Variants in FOXD4L3 observed in about 807,000 individuals in gnomAD.
FOXD4L3 encodes forkhead box D4 like 3.
For missense variants in FOXD4L3, 44 were observed against 545.5 expected (o/e 0.08, Z 9.16); for synonymous variants, 26 against 242.4 (o/e 0.11, Z 8.29).
rs1196600856 is a variant in FOXD4L3, at chr9:68,304,913, T to C, written c.*708T>C. 5.9e-6 allele frequency: 1 copy of C among 168,260 alleles called. No individual in the cohort carries two copies. Among genetic ancestry groups the C allele is most frequent in the African/African-American group, 2.4e-5 (1 of 41,418 alleles). 10.4% of individuals were successfully genotyped at this position (168,260 alleles called of 1,614,324 possible). A position where few individuals can be genotyped will look rare whatever the true frequency, so the allele number is the denominator to read the frequency against. On this transcript the variant is annotated 3_prime_UTR_variant, in exon 1 of 1. Coordinates refer to ENST00000342833, the MANE Select transcript of FOXD4L3 (RefSeq NM_199135.4). ...TGCTAAGTCACTACACTACATCGTT[T>C]ATTTTCTATTACATCTCATTCTTCC...
At chr9:68,303,691 CG>C in the FOXD4L3 span, 3 of 1,595,442 alleles carry the variant, frequency 1.9e-6, no homozygotes, top group Non-Finnish European at 2.5e-6. Context: ...CAGCCAGTCC[CG>C]GGGGCCTACC....
chr9:68,304,002 G>A lies in FOXD4L3; in HGVS notation c.1051G>A (p.Ala351Thr). 1 of 1,611,958 alleles carries A rather than the reference G, an allele frequency of 6.2e-7. No homozygotes were observed. Among genetic ancestry groups the A allele is most frequent in the African/African-American group, 1.3e-5 (1 of 74,940 alleles). ...LRRICPRPRG[A>T]TATCSSDHQA... ...CAGAATTTGTCCCCGACCGCGTGGA[G>A]CTACTGCCACCTGCTCCAGCGACCA... is the stretch of plus-strand genomic sequence containing the variant. The change falls in exon 1 of 1, where the codon GCT (alanine) becomes ACT (threonine). Residue 351 changes from alanine to threonine, a missense_variant. Ala to Thr is a moderately conservative substitution (Grantham distance 58). Coordinates refer to ENST00000342833, the MANE Select transcript of FOXD4L3 (RefSeq NM_199135.4).
In FOXD4L3 at chr9:68,304,378, A is replaced by T; in HGVS notation, c.*173A>T. ...GGAGCGACCCGCAGCTGCTCACTCC[A>T]CCTTGCGCGGCCCATACTGGGCGTG... On this transcript the variant is annotated 3_prime_UTR_variant, in exon 1 of 1. Coordinates refer to ENST00000342833, the MANE Select transcript of FOXD4L3 (RefSeq NM_199135.4). 3 of 1,523,576 alleles carry T rather than the reference A, an allele frequency of 2.0e-6. No individual in the cohort carries two copies. The highest frequency in any genetic ancestry group is 1.4e-5 in the African/African-American group (1 of 72,204). 94.4% of individuals were successfully genotyped at this position (1,523,576 alleles called of 1,614,324 possible).
Position 68,304,526 on chromosome 9 carries a change from T to A in FOXD4L3, c.*321T>A, listed in dbSNP as rs1833724025. On this transcript the variant is annotated 3_prime_UTR_variant, in exon 1 of 1. Coordinates refer to ENST00000342833, the MANE Select transcript of FOXD4L3 (RefSeq NM_199135.4). ...AACGTAACCTTCGCAGGGCGTCAAG[T>A]CATCTTTTCTTGCCTTCGGTTGTGG... 2.0e-6 allele frequency: 1 copy of A among 512,090 alleles called. No homozygotes were observed. The highest frequency in any genetic ancestry group is 3.8e-5 in the Admixed American group (1 of 26,658). 31.7% of individuals were successfully genotyped at this position (512,090 alleles called of 1,614,324 possible).
the FOXD4L3 span, chr9:68,303,691 C>CG: frequency 6.3e-7 from 1 of 1,595,482 alleles, no homozygotes; most frequent in Non-Finnish European, 8.5e-7. Context: ...CAGCCAGTCC[C>CG]GGGGGCCTAC....
chr9:68,304,348 A>G lies in FOXD4L3; in HGVS notation c.*143A>G. On this transcript the variant is annotated 3_prime_UTR_variant, in exon 1 of 1. Coordinates refer to ENST00000342833, the MANE Select transcript of FOXD4L3 (RefSeq NM_199135.4). Reference sequence around the variant, plus strand: ...CAGGGCCCTCCTAGAGCCAGGTGGGAGTGGGGAGCGACCCGCAGCTGCTCA... The same window carrying G: ...CAGGGCCCTCCTAGAGCCAGGTGGGGGTGGGGAGCGACCCGCAGCTGCTCA... 4 of 1,519,918 alleles carry G rather than the reference A, an allele frequency of 2.6e-6. No homozygotes were observed. The highest frequency in any genetic ancestry group is 3.5e-6 in the Non-Finnish European group (4 of 1,135,240). The allele number at this position is 1,519,918 out of a possible 1,614,324, so 94.2% of individuals were successfully genotyped here.
chr9:68,303,623 A>G lies in FOXD4L3; in HGVS notation c.672A>G (p.Ala224=). ...CCCACCCCTTCCCTCTACCTGCTGC[A>G]CACGCCGCCCTGCACAACCCCCGCC... The part of the protein sequence containing the change: ...HLPHPFPLPA[A]HAALHNPRPG... The change falls in exon 1 of 1, where the codon GCA becomes GCG. Residue 224 remains alanine, a synonymous_variant. Transcript: ENST00000342833. 1.3e-6 allele frequency: 2 copies of G among 1,597,356 alleles called. No individual in the cohort carries two copies. The highest frequency in any genetic ancestry group is 1.7e-6 in the Non-Finnish European group (2 of 1,178,948).
chr9:68,303,883 C>CA, the FOXD4L3 span: 1 of 1,607,372 alleles, frequency 6.2e-7, no homozygotes, highest in Non-Finnish European at 8.5e-7. Flanking sequence ...GGGAGGAGGG[C>CA]AAGGGTCTGG....
Position 68,303,819 on chromosome 9 carries a change from C to G in FOXD4L3, c.868C>G (p.Leu290Val). ...GAPKKAEGAA[L>V]ATPAPFPCCS... Reference sequence around the variant, plus strand: ...ACCGAAGAAAGCAGAAGGCGCGGCCCTGGCGACCCCGGCACCCTTCCCGTG... The same window carrying G: ...ACCGAAGAAAGCAGAAGGCGCGGCCGTGGCGACCCCGGCACCCTTCCCGTG... The change falls in exon 1 of 1, where the codon CTG becomes GTG. Residue 290 changes from leucine (L) to valine (V), a missense_variant. By Grantham distance (32) the Leu-to-Val change is conservative. Coordinates refer to ENST00000342833, the MANE Select transcript of FOXD4L3 (RefSeq NM_199135.4). 1 of 1,590,878 alleles carries G rather than the reference C, an allele frequency of 6.3e-7. No individual in the cohort carries two copies.
chr9:68,303,611 T>C lies in FOXD4L3; in HGVS notation c.660T>C (p.Pro220=). The C allele has an allele frequency of 6.3e-7, 1 of 1,594,240 alleles. No individual in the cohort carries two copies. Among genetic ancestry groups the C allele is most frequent in the African/African-American group, 1.4e-5 (1 of 73,562 alleles). ...GAGCCCACCTGCCCCACCCCTTCCCTCTACCTGCTGCACACGCCGCCCTGC... is the reference window on the plus strand; with the variant it reads ...GAGCCCACCTGCCCCACCCCTTCCCCCTACCTGCTGCACACGCCGCCCTGC... The part of the protein sequence containing the change: ...TPGAHLPHPF[P]LPAAHAALHN... The change falls in exon 1 of 1, where the codon CCT becomes CCC. Residue 220 remains proline, a synonymous_variant. Coordinates refer to ENST00000342833, the MANE Select transcript of FOXD4L3 (RefSeq NM_199135.4).
At position 68,304,316 on chromosome 9, in the gene FOXD4L3, A is replaced by G. The variant is rs368503922; in HGVS notation, c.*111A>G. ...ATCGCCCACGCCCAGTTCCCTGGCC[A>G]ACTCCGCAGGGCCCTCCTAGAGCCA... On this transcript the variant is annotated 3_prime_UTR_variant, in exon 1 of 1. Transcript: ENST00000342833. 86 of 1,336,354 alleles carry G rather than the reference A, an allele frequency of 6.4e-5. No homozygotes were observed. In the East Asian group the frequency reaches 1.2e-3, roughly 18 times the overall value. 82.8% of individuals were successfully genotyped at this position (1,336,354 alleles called of 1,614,324 possible).
rs1257084206 is a variant in FOXD4L3, at chr9:68,304,474, G to A, written c.*269G>A. ...GCAAAATGGTTAGAAAGAAACAGCTGGATTACGTTCCTCTAAAAACCACCT... is the reference window on the plus strand; with the variant it reads ...GCAAAATGGTTAGAAAGAAACAGCTAGATTACGTTCCTCTAAAAACCACCT... On this transcript the variant is annotated 3_prime_UTR_variant, in exon 1 of 1. Transcript: ENST00000342833. 2.1e-5 allele frequency: 14 copies of A among 661,954 alleles called. No individual in the cohort carries two copies. Among genetic ancestry groups the A allele is most frequent in the Non-Finnish European group, 3.0e-5 (11 of 363,840 alleles). 41.0% of individuals were successfully genotyped at this position (661,954 alleles called of 1,614,324 possible).
At position 68,304,982 on chromosome 9, in the gene FOXD4L3, A is replaced by T. The variant is rs879963389; in HGVS notation, c.*777A>T. On this transcript the variant is annotated 3_prime_UTR_variant, in exon 1 of 1. Transcript: ENST00000342833. ...TTAAAACCTACGTTATTTTCCCTCAAACAATTTATTTTCACAATTCATATT... is the reference window on the plus strand; with the variant it reads ...TTAAAACCTACGTTATTTTCCCTCATACAATTTATTTTCACAATTCATATT... 5.9e-6 allele frequency: 1 copy of T among 168,188 alleles called. No individual in the cohort carries two copies. The highest frequency in any genetic ancestry group is 2.4e-5 in the African/African-American group (1 of 41,490). 10.4% of individuals were successfully genotyped at this position (168,188 alleles called of 1,614,324 possible). A position where few individuals can be genotyped will look rare whatever the true frequency, so the allele number is the denominator to read the frequency against.
At chr9:68,303,896 TCGCCA>T in the FOXD4L3 span, 1 of 1,609,220 alleles carries the variant, frequency 6.2e-7, no homozygotes, top group African/African-American at 1.3e-5. Context: ...GGGTCTGGCG[TCGCCA>T]CCGGGAGGCG....
chr9:68,304,455 T>C lies in FOXD4L3; in HGVS notation c.*250T>C, dbSNP rs556717603. 336 of 853,044 alleles carry C rather than the reference T, an allele frequency of 3.9e-4. 3 individuals carry two copies. In the South Asian group the frequency reaches 5.3e-3, roughly 14 times the overall value. 52.8% of individuals were successfully genotyped at this position (853,044 alleles called of 1,614,324 possible). On this transcript the variant is annotated 3_prime_UTR_variant, in exon 1 of 1. Coordinates refer to ENST00000342833, the MANE Select transcript of FOXD4L3 (RefSeq NM_199135.4). ...ACACGAACTTCTGTTCGCTGCAAAA[T>C]GGTTAGAAAGAAACAGCTGGATTAC...
rs782105598 is a variant in FOXD4L3 at position 68,303,941 on chromosome 9, A to G, written c.990A>G (p.Leu330=). ...ADASLSALRV[L]CKGSGERVQG... is the part of the protein sequence containing the mutation. ...CATCTCTTTCAGCATTGAGAGTATT[A>G]TGCAAGGGGTCAGGGGAGCGGGTAC... The change falls in exon 1 of 1, where the codon TTA becomes TTG. Residue 330 remains leucine (L), a synonymous_variant. Coordinates refer to ENST00000342833, the MANE Select transcript of FOXD4L3 (RefSeq NM_199135.4). The G allele has an allele frequency of 1.2e-6, 2 of 1,611,616 alleles. No individual in the cohort carries two copies. The highest frequency in any genetic ancestry group is 2.2e-5 in the South Asian group (2 of 90,934).
rs1554670726 is a variant in FOXD4L3 at position 68,303,036 on chromosome 9, G to T, written c.85G>T (p.Val29Phe). 3 of 1,590,352 alleles carry T rather than the reference G, an allele frequency of 1.9e-6. No individual in the cohort carries two copies. In the African/African-American group the frequency reaches 4.2e-5, roughly 22 times the overall value. The part of the protein sequence containing the change: ...DSDGEDGKID[V>F]LGEEEDEDEV... The stretch of plus-strand genomic sequence containing the variant: ...CGATGGGGAAGACGGTAAAATCGAT[G>T]TCCTGGGAGAGGAGGAAGATGAAGA... Residue 29 changes from valine to phenylalanine, a missense_variant, in exon 1 of 1, where the codon GTC becomes TTC. Val to Phe is a conservative substitution (Grantham distance 50, BLOSUM62 -1). Transcript: ENST00000342833.
rs1554671131 is a variant in FOXD4L3, at chr9:68,305,043, G to A, written c.*838G>A. 2 of 166,658 alleles carry A rather than the reference G, an allele frequency of 1.2e-5. No individual in the cohort carries two copies. Among genetic ancestry groups the A allele is most frequent in the East Asian group, 3.9e-4 (2 of 5,180 alleles). 10.3% of individuals were successfully genotyped at this position (166,658 alleles called of 1,614,324 possible). On this transcript the variant is annotated 3_prime_UTR_variant, in exon 1 of 1. Transcript: ENST00000342833. ...AGCAGAAGTAATCCATTTTAATATGGCCTTTAAAAATTCCAAATATTTGAG... is the reference window on the plus strand; with the variant it reads ...AGCAGAAGTAATCCATTTTAATATGACCTTTAAAAATTCCAAATATTTGAG...
Position 68,304,513 on chromosome 9 carries a change from G to T in FOXD4L3, c.*308G>T, listed in dbSNP as rs1185236791. ...TAAAAACCACCTGAACGTAACCTTC[G>T]CAGGGCGTCAAGTCATCTTTTCTTG... On this transcript the variant is annotated 3_prime_UTR_variant, in exon 1 of 1. Transcript: ENST00000342833. 4.5e-3 allele frequency: 2,567 copies of T among 569,432 alleles called. 5 individuals are homozygous for T. The African/African-American group carries it at 0.046, about 10-fold the overall frequency. 35.3% of individuals were successfully genotyped at this position (569,432 alleles called of 1,614,324 possible).
Sources: gnomAD v4.1 joint callset for allele counts on GRCh38, gnomAD v4.1.1 for gene constraint, MANE v1.5 for transcripts, NCBI Gene and HGNC (gene_info 2026-07-23, HGNC 2026-07-21) for gene names.